TPST1: variants seen among roughly 807,000 people sequenced by gnomAD.
The protein encoded by TPST1 is protein-tyrosine sulfotransferase 1.
Under a neutral mutation model 34.8 loss-of-function variants are expected in TPST1, and 20 were observed. The observed-to-expected ratio is 0.57, with a 90% CI of 0.40 to 0.84. The LOEUF is 0.84. TPST1 is among the 40% of genes least tolerant of loss of function. The probability of loss-of-function intolerance (pLI) is 0.00; values close to 1 mark genes in which losing one functional copy is unlikely to be tolerated. For synonymous variants in TPST1, 152 were observed against 159.4 expected (o/e 0.95, Z 0.35); for missense variants, 353 against 455.5 (o/e 0.78, Z 2.05).
At chr7:66,317,732 A>C (rs562625428) in intron 3 of TPST1, among the ~76,000 whole-genome samples, 29 of 151,968 alleles carry the variant, frequency 1.9e-4, no homozygotes, top group Non-Finnish European at 3.5e-4. Context: ...TATATTTTCA[A>C]ATGCTTTTTA....
intron 1 of TPST1, among the ~76,000 whole-genome samples, chr7:66,228,686 T>C (rs1312803836): frequency 1.3e-5 from 2 of 152,188 alleles, no homozygotes; most frequent in African/African-American, 2.4e-5. Context: ...TTTATTTAAG[T>C]GTTCATAAGA....
chr7:66,254,972 C>G (rs1790353980), intron 2 of TPST1, among the ~76,000 whole-genome samples: 1 of 151,492 alleles, frequency 6.6e-6, no homozygotes, highest in Non-Finnish European at 1.5e-5. Context: ...ATGGTGAAAC[C>G]CCGTCTCTAC....
chr7:66,263,312 G>C (rs1039784297), intron 2 of TPST1, among the ~76,000 whole-genome samples: 2 of 152,130 alleles, frequency 1.3e-5, no homozygotes, highest in Non-Finnish European at 2.9e-5. Context: ...AAGATTGCTT[G>C]TGCACAAAGC....
At position 66,240,915 on chromosome 7, in the gene TPST1, C is replaced by T; in HGVS notation, c.490C>T (p.Leu164=). The stretch of plus-strand genomic sequence containing the variant: ...TTTATGTAATAAAGATCCTTTTGCC[C>T]TGAAATCTTTAACTTACCTTTCTAG... ...PYLCNKDPFA[L]KSLTYLSRLF... The change falls in exon 2 of 6, where the codon CTG becomes TTG. Residue 164 remains leucine, a synonymous_variant. Coordinates refer to ENST00000304842, the MANE Select transcript of TPST1 (RefSeq NM_003596.4). 1 of 1,614,174 alleles carries T rather than the reference C, an allele frequency of 6.2e-7. No individual in the cohort carries two copies. Among genetic ancestry groups the T allele is most frequent in the Non-Finnish European group, 8.5e-7 (1 of 1,180,038 alleles).
intron 1 of TPST1, among the ~76,000 whole-genome samples, chr7:66,224,181 A>T (rs1418449460): frequency 1.3e-5 from 2 of 152,226 alleles, no homozygotes; most frequent in African/African-American, 4.8e-5. Context: ...CTCTTGCAAC[A>T]ATGGTTTCAT....
At chr7:66,270,885 T>G (rs1400911174) in intron 2 of TPST1, among the ~76,000 whole-genome samples, 1 of 152,216 alleles carries the variant, frequency 6.6e-6, no homozygotes, top group Non-Finnish European at 1.5e-5. Context: ...ATTCATCAAT[T>G]TGTTGACTAT....
chr7:66,332,668 G>GT lies in TPST1; in HGVS notation c.1045-19836dup, dbSNP rs1178072312. ...TCAACTAACCATGGACTGAAAATAT[G>GT]TGGGGGGGAAATGATGCTTACATCT... On this transcript the variant is annotated intron_variant, in intron 3 of 5. Transcript: ENST00000304842. The surrounding 1 kb of genome is among the most constrained non-coding windows in gnomAD (Gnocchi z 4.5). 2.6e-5 allele frequency among the ~76,000 whole-genome samples: 4 copies of GT among 152,292 alleles called. No homozygotes were observed. Among genetic ancestry groups the GT allele is most frequent in the Admixed American group, 2.6e-4 (4 of 15,290 alleles).
intron 2 of TPST1, among the ~76,000 whole-genome samples, chr7:66,248,506 T>G (rs1305728405): frequency 2.7e-5 from 4 of 148,656 alleles, no homozygotes; most frequent in African/African-American, 9.9e-5. Flanking sequence ...ATTTAGTGTT[T>G]TTTTTTTTTT....
At chr7:66,277,061 C>T (rs1239419548) in intron 2 of TPST1, among the ~76,000 whole-genome samples, 1 of 152,122 alleles carries the variant, frequency 6.6e-6, no homozygotes. Context: ...ACTCCATAGC[C>T]TCCCCTCGCT....
intron 3 of TPST1, among the ~76,000 whole-genome samples, chr7:66,318,419 T>C (rs747551667): frequency 6.6e-6 from 1 of 152,162 alleles, no homozygotes; most frequent in Non-Finnish European, 1.5e-5. Flanking sequence ...GCATCTAAGA[T>C]CATCTTTCTC....
intron 2 of TPST1, among the ~76,000 whole-genome samples, chr7:66,272,001 A>C (rs146276102): frequency 1.4e-3 from 211 of 152,272 alleles, no homozygotes; most frequent in African/African-American, 4.9e-3. Flanking sequence ...TGTGGGAACA[A>C]TATTCTCTGA....
intron 1 of TPST1, among the ~76,000 whole-genome samples, chr7:66,238,386 A>G (rs1422683063): frequency 1.3e-5 from 2 of 149,010 alleles, no homozygotes; most frequent in Admixed American, 1.3e-4. Flanking sequence ...GTTACATTCC[A>G]GCCTTTGTAT....
chr7:66,261,048 C>T (rs1412112797), intron 2 of TPST1, among the ~76,000 whole-genome samples: 1 of 152,170 alleles, frequency 6.6e-6, no homozygotes, highest in Admixed American at 6.5e-5. Flanking sequence ...AGCTCCATTT[C>T]TCAACTTAGA....
intron 2 of TPST1, among the ~76,000 whole-genome samples, chr7:66,256,695 C>G (rs760540293): frequency 2.0e-5 from 3 of 152,258 alleles, no homozygotes; most frequent in African/African-American, 7.2e-5. Flanking sequence ...AATTCCTAGG[C>G]CCAGCTAAAA....
chr7:66,216,543 C>G (rs958873998), intron 1 of TPST1, among the ~76,000 whole-genome samples: 5 of 151,372 alleles, frequency 3.3e-5, no homozygotes, highest in Non-Finnish European at 5.9e-5. Flanking sequence ...GATCTTGGCT[C>G]ACTGCAGCCT....
intron 2 of TPST1, among the ~76,000 whole-genome samples, chr7:66,263,381 T>C (rs764312915): frequency 6.6e-6 from 1 of 152,212 alleles, no homozygotes; most frequent in Non-Finnish European, 1.5e-5. Flanking sequence ...ACATTCTGTT[T>C]TCTGCAGTGG....
intron 2 of TPST1, among the ~76,000 whole-genome samples, chr7:66,256,649 G>A (rs1446410232): frequency 1.3e-5 from 2 of 152,290 alleles, no homozygotes; most frequent in East Asian, 3.9e-4. Flanking sequence ...TCTCAGAAGT[G>A]ACATCCTATC....
intron 3 of TPST1, among the ~76,000 whole-genome samples, chr7:66,336,843 C>A (rs560263933): frequency 6.6e-6 from 1 of 152,098 alleles, no homozygotes; most frequent in Non-Finnish European, 1.5e-5. Flanking sequence ...AAAGATTACT[C>A]AAGGCAGCAA....
chr7:66,256,550 T>G (rs1228608949), intron 2 of TPST1, among the ~76,000 whole-genome samples: 1 of 152,206 alleles, frequency 6.6e-6, no homozygotes, highest in Admixed American at 6.5e-5. Context: ...GCTGTGTGTT[T>G]CTGTATATGG....
Sources: allele counts gnomAD v4.1 joint callset (sites outside exome capture counted in the v4.1 genomes callset), GRCh38; gene constraint gnomAD v4.1.1; non-coding constraint Gnocchi (gnomAD v3.1); transcripts MANE v1.5; gene names NCBI Gene and HGNC (gene_info 2026-07-23, HGNC 2026-07-21).